The following ACSM3 variants were observed in gnomAD, a reference collection of about 807,000 sequenced individuals.
The protein encoded by ACSM3 is acyl-CoA synthetase medium chain family member 3.
In ACSM3, 61 loss-of-function variants were observed where a neutral mutation model predicts 74.1. The ratio of observed to expected loss-of-function variants is 0.82; its 90% CI spans 0.67 to 1.02. ACSM3 has a LOEUF of 1.02. ACSM3 is among the 50% of genes least tolerant of loss of function. ACSM3 has a pLI of 0.00. For synonymous variants in ACSM3, 213 were observed against 241.5 expected (o/e 0.88, Z 1.09); for missense variants, 660 against 697.0 (o/e 0.95, Z 0.60).
intron 1 of ACSM3, among the ~76,000 whole-genome samples, chr16:20,690,025 C>T (rs2079624568): frequency 6.6e-6 from 1 of 152,130 alleles, no homozygotes; most frequent in African/African-American, 2.4e-5. Flanking sequence ...AAGGTGATTG[C>T]CAAGGCACAT....
Position 20,796,416 on chromosome 16 carries a change from A to G in ACSM3, c.1601A>G (p.Asp534Gly). The G allele has an allele frequency of 1.9e-6, 3 of 1,613,934 alleles. No homozygotes were observed. Among genetic ancestry groups the G allele is most frequent in the Non-Finnish European group, 2.5e-6 (3 of 1,179,942 alleles). The change falls in exon 13 of 14, where the codon GAT becomes GGT. Residue 534 changes from aspartate (D) to glycine (G), a missense_variant. Transcript: ENST00000289416. ...VVLNPDYKSH[D>G]QEQLIKEIQE... ...CTAAATCCTGATTACAAGTCACATG[A>G]TCAAGAACAACTAATAAAGGAGATT...
intron 1 of ACSM3, chr16:20,741,408 G>T (rs1336140323): frequency 3.6e-6 from 5 of 1,395,538 alleles, no homozygotes; most frequent in East Asian, 5.0e-5. Flanking sequence ...TCACGCCGAC[G>T]ACCCGAGGCG....
intron 1 of ACSM3, chr16:20,691,018 G>A (rs2079643526): frequency 6.2e-7 from 1 of 1,612,948 alleles, no homozygotes; most frequent in African/African-American, 1.3e-5. Flanking sequence ...GAGCCCAGTA[G>A]TCCAGTACAT....
intron 1 of ACSM3, among the ~76,000 whole-genome samples, chr16:20,713,553 A>C (rs554766870): frequency 1.5e-4 from 23 of 152,304 alleles, no homozygotes; most frequent in African/African-American, 5.5e-4. Context: ...CCTGTCTAGA[A>C]AACACAAAAC....
chr16:20,726,768 GAGCCACC>G (rs2079807895), intron 1 of ACSM3, among the ~76,000 whole-genome samples: 1 of 152,212 alleles, frequency 6.6e-6, no homozygotes, highest in Non-Finnish European at 1.5e-5. Flanking sequence ...AGAGGATTAA[GAGCCACC>G]TCACAAGGCT....
At chr16:20,743,931 C>T (rs981411112) in intron 1 of ACSM3, 3 of 152,144 alleles carry the variant, frequency 2.0e-5, no homozygotes, top group Admixed American at 2.0e-4. Context: ...TATTTGAGTA[C>T]TATATGGAGG....
intron 1 of ACSM3, among the ~76,000 whole-genome samples, chr16:20,684,297 T>C (rs1345980255): frequency 6.6e-6 from 1 of 152,206 alleles, no homozygotes; most frequent in Non-Finnish European, 1.5e-5. Flanking sequence ...TGTTAGGGAA[T>C]AGGAATATTC....
rs1049212979 is a variant in ACSM3 at position 20,750,315 on chromosome 16, A to G, written c.-96+312A>G. 2.6e-5 allele frequency among the ~76,000 whole-genome samples: 4 copies of G among 152,248 alleles called. No individual in the cohort carries two copies. In the East Asian group the frequency reaches 7.7e-4, roughly 29 times the overall value. ...TCTTGATGTAGATGCTTACCAAAGT[A>G]TTTCTCTTTTCTTCTGGGTCCTCAG... On this transcript the variant is annotated intron_variant, in intron 2 of 3. Transcript: ENST00000561584.
At position 20,708,490 on chromosome 16, in the gene ACSM3, T is replaced by C. The variant is rs890795670; in HGVS notation, c.-190+33668T>C. Among the ~76,000 whole-genome samples the C allele has an allele frequency of 4.6e-5, 7 of 152,290 alleles. No individual in the cohort carries two copies. The South Asian group carries it at 8.3e-4, about 18-fold the overall frequency. ...TAATAGTGTTTCTATACACTAACAATGAACTATCTAAGAAAGAAATCAAGA... is the reference window on the plus strand; with the variant it reads ...TAATAGTGTTTCTATACACTAACAACGAACTATCTAAGAAAGAAATCAAGA... On this transcript the variant is annotated intron_variant, in intron 1 of 3. Transcript: ENST00000561584.
intron 4 of ACSM3, chr16:20,780,478 A>C (rs1355626171): frequency 6.7e-6 from 5 of 746,904 alleles, no homozygotes; most frequent in Non-Finnish European, 1.1e-5. Flanking sequence ...TAGAATAAAA[A>C]GCTAGGAAAG....
Position 20,697,556 on chromosome 16 carries a change from TACACACACACACACACACACAC to T in ACSM3, c.-190+22762_-190+22783del, listed in dbSNP as rs57633278. ...GCATTGCCAGAACTTAAAATTGGAT[TACACACACACACACACACACAC>T]ACACACACACACACACACACACACA... On this transcript the variant is annotated intron_variant, in intron 1 of 3. Coordinates refer to the ACSM3 transcript ENST00000561584. 4.3e-5 allele frequency: 6 copies of T among 139,644 alleles called. 2 individuals carry two copies. Among genetic ancestry groups the T allele is most frequent in the South Asian group, 5.1e-4 (2 of 3,898 alleles). The allele number at this position is 139,644 out of a possible 1,614,324, so 8.7% of individuals were successfully genotyped here. A position where few individuals can be genotyped will look rare whatever the true frequency, so the allele number is the denominator to read the frequency against.
In ACSM3 at chr16:20,712,836, C is replaced by T. The variant is rs543319260; in HGVS notation, c.-189-37074C>T. 2.0e-5 allele frequency among the ~76,000 whole-genome samples: 3 copies of T among 151,586 alleles called. No individual in the cohort carries two copies. The South Asian group carries it at 6.2e-4, about 32-fold the overall frequency. On this transcript the variant is annotated intron_variant, in intron 1 of 3. Coordinates refer to the ACSM3 transcript ENST00000561584. ...GCTGAGGCAGGAGAATCTCTTGAACCTGGGCAGTGGAGGTTTCAGTGAGCT... is the reference window on the plus strand; with the variant it reads ...GCTGAGGCAGGAGAATCTCTTGAACTTGGGCAGTGGAGGTTTCAGTGAGCT...
chr16:20,691,320 T>C, intron 1 of ACSM3: 2 of 712,310 alleles, frequency 2.8e-6, no homozygotes. Context: ...GGTTAATTGC[T>C]ACAGTTATAG....
At chr16:20,707,886 A>C (rs1795636997) in intron 1 of ACSM3, among the ~76,000 whole-genome samples, 2 of 152,238 alleles carry the variant, frequency 1.3e-5, no homozygotes, top group Admixed American at 1.3e-4. Flanking sequence ...CCTACCACAA[A>C]AAATTGGATA....
At chr16:20,743,428 T>C (rs77478278) in intron 1 of ACSM3, among the ~76,000 whole-genome samples, 2 of 152,234 alleles carry the variant, frequency 1.3e-5, no homozygotes, top group East Asian at 1.9e-4. Flanking sequence ...TGGCAACTTA[T>C]CATGTTACTG....
upstream of ACSM3, among the ~76,000 whole-genome samples, chr16:20,760,863 C>T (rs2080071102): frequency 6.6e-6 from 1 of 152,168 alleles, no homozygotes; most frequent in Non-Finnish European, 1.5e-5. Flanking sequence ...GAGACATTCA[C>T]AAGTGTTCTC....
At position 20,782,342 on chromosome 16, in the gene ACSM3, C is replaced by T. The variant is rs1314952237; in HGVS notation, c.1019+555C>T. Reference sequence around the variant, plus strand: ...ACTTCTGAGATTTTGGTGCTCCCATCACCCAAGCAGTATACACTGTACTCA... The same window carrying T: ...ACTTCTGAGATTTTGGTGCTCCCATTACCCAAGCAGTATACACTGTACTCA... On this transcript the variant is annotated intron_variant, in intron 7 of 13. Coordinates refer to ENST00000289416, the MANE Select transcript of ACSM3 (RefSeq NM_005622.4). Among the ~76,000 whole-genome samples, 4 of 152,120 alleles carry T rather than the reference C, an allele frequency of 2.6e-5. No homozygotes were observed. The East Asian group carries it at 7.7e-4, about 29-fold the overall frequency.
intron 1 of ACSM3, among the ~76,000 whole-genome samples, chr16:20,748,669 G>A (rs895846725): frequency 6.6e-6 from 1 of 152,188 alleles, no homozygotes; most frequent in Non-Finnish European, 1.5e-5. Context: ...GGCTTTTTGT[G>A]TTGGTCAGTT....
rs375957484 is a variant in ACSM3 at position 20,778,484 on chromosome 16, C to T, written c.638+904C>T. Among the ~76,000 whole-genome samples, 27 of 152,230 alleles carry T rather than the reference C, an allele frequency of 1.8e-4. No individual in the cohort carries two copies. The South Asian group carries it at 4.4e-3, about 25-fold the overall frequency. On this transcript the variant is annotated intron_variant, in intron 4 of 13. Coordinates refer to ENST00000289416, the MANE Select transcript of ACSM3 (RefSeq NM_005622.4). ...ATTGCAATCATAGCTTATATTGATACGGTTATGTGCCAGAAACTATTCTAA... is the reference window on the plus strand; with the variant it reads ...ATTGCAATCATAGCTTATATTGATATGGTTATGTGCCAGAAACTATTCTAA...
Sources: gnomAD v4.1 joint callset for allele counts (sites outside exome capture counted in the v4.1 genomes callset) on GRCh38, gnomAD v4.1.1 for gene constraint, MANE v1.5 for transcripts, NCBI Gene and HGNC (gene_info 2026-07-23, HGNC 2026-07-21) for gene names.